The following RSRP1 variants were observed in gnomAD, a reference collection of about 807,000 sequenced individuals.
The protein encoded by RSRP1 is arginine and serine rich protein 1, also known as arginine/serine-rich protein 1.
Under a neutral mutation model 33.0 loss-of-function variants are expected in RSRP1, and 37 were observed. The ratio of observed to expected loss-of-function variants is 1.12; its 90% CI spans 0.86 to 1.48. The LOEUF is 1.48. Among genes scored for constraint, RSRP1 ranks in the 40% most tolerant of loss-of-function variants. The pLI is 0.00. For synonymous variants in RSRP1, 167 were observed against 158.7 expected, an observed-to-expected ratio of 1.05 and a Z score of -0.40; for missense variants, 402 against 385.3, an observed-to-expected ratio of 1.04 and a Z score of -0.36.
chr1:25,274,242 G>C (rs1374476531), intron 1 of RSRP1, among the ~76,000 whole-genome samples: 1 of 132,084 alleles, frequency 7.6e-6, no homozygotes, highest in East Asian at 1.9e-4. Context: ...TATGGATGTT[G>C]AGTAATTTGC....
At chr1:25,300,948 A>G in intron 1 of RSRP1, 1 of 1,378,454 alleles carries the variant, frequency 7.3e-7, no homozygotes. Flanking sequence ...TATTGCAGAC[A>G]GACTACCACA....
At chr1:25,251,891 GA>G (rs2124552233), upstream of RSRP1, among the ~76,000 whole-genome samples, 1 of 150,036 alleles carries the variant, frequency 6.7e-6, no homozygotes, top group East Asian at 1.9e-4. Context: ...CCCACATATA[GA>G]TTTTTTTTTT....
Position 25,313,044 on chromosome 1 carries a change from C to A in RSRP1, c.-67+24934G>T, listed in dbSNP as rs575292484. Among the ~76,000 whole-genome samples the A allele has an allele frequency of 8.9e-4, 108 of 121,270 alleles. 16 individuals carry two copies. The highest frequency in any genetic ancestry group is 2.8e-3 in the African/African-American group (101 of 36,092). The allele number at this position is 121,270 out of a possible 152,430, so 79.6% of individuals were successfully genotyped here. A position where few individuals can be genotyped will look rare whatever the true frequency, so the allele number is the denominator to read the frequency against. ...GATGCTGTGGTTTGAATGCATCCCT[C>A]AAATTTCATGTGTTGGAAACTTAAT... On this transcript the variant is annotated intron_variant, in intron 1 of 1. Coordinates refer to the RSRP1 transcript ENST00000561867.
At chr1:25,273,825 G>T (rs1452881032) in intron 1 of RSRP1, among the ~76,000 whole-genome samples, 2 of 130,300 alleles carry the variant, frequency 1.5e-5, no homozygotes, top group Admixed American at 1.5e-4. Flanking sequence ...TTGAGTCCTT[G>T]CTTGTTCCTA....
intron 1 of RSRP1, among the ~76,000 whole-genome samples, chr1:25,255,464 A>G (rs569491332): frequency 6.6e-6 from 1 of 152,304 alleles, no homozygotes. Flanking sequence ...GTACAATGCA[A>G]TGAAGCCATT....
rs573497704 is a variant in RSRP1 at position 25,323,851 on chromosome 1, G to A, written c.-67+14127C>T. 1.4e-3 allele frequency among the ~76,000 whole-genome samples: 167 copies of A among 122,884 alleles called. 1 individual carries two copies. Among genetic ancestry groups the A allele is most frequent in the Non-Finnish European group, 2.1e-3 (115 of 54,248 alleles). The allele number at this position is 122,884 out of a possible 152,430, so 80.6% of individuals were successfully genotyped here. A position where few individuals can be genotyped will look rare whatever the true frequency, so the allele number is the denominator to read the frequency against. Reference sequence around the variant, plus strand: ...AGCATGATTATTCTGAGAATCATCCGTGTTGTTGCGTGTAACTGACTTCAT... The same window carrying A: ...AGCATGATTATTCTGAGAATCATCCATGTTGTTGCGTGTAACTGACTTCAT... On this transcript the variant is annotated intron_variant, in intron 1 of 1. Transcript: ENST00000561867.
intron 1 of RSRP1, among the ~76,000 whole-genome samples, chr1:25,261,561 T>C (rs1013505535): frequency 3.5e-4 from 53 of 151,612 alleles, no homozygotes; most frequent in African/African-American, 1.2e-3. Context: ...CCCGCCACCC[T>C]GCCCAGCTAA....
In RSRP1 at chr1:25,302,922, T is replaced by C. The variant is rs1386263989; in HGVS notation, c.-67+35056A>G. Among the ~76,000 whole-genome samples, 37 of 130,326 alleles carry C rather than the reference T, an allele frequency of 2.8e-4. 6 individuals are homozygous for C. The highest frequency in any genetic ancestry group is 9.0e-4 in the African/African-American group (34 of 37,802). The allele number at this position is 130,326 out of a possible 152,430, so 85.5% of individuals were successfully genotyped here. On this transcript the variant is annotated intron_variant, in intron 1 of 1. Coordinates refer to the RSRP1 transcript ENST00000561867. ...ATTTTGGGAGGCTGAGGCAAGAGGA[T>C]TGGTTGAGGCCAGGAGTTCAAGACC...
At chr1:25,242,756 T>G in intron 4 of RSRP1, 51 bp from the exon 5 acceptor site, 1 of 1,259,494 alleles carries the variant, frequency 7.9e-7, no homozygotes, top group Non-Finnish European at 1.1e-6. Flanking sequence ...TGTACACTTT[T>G]TTCACAAAAA....
At position 25,260,843 on chromosome 1, in the gene RSRP1, G is replaced by A. The variant is rs1323013007; in HGVS notation, c.-66-13814C>T. On this transcript the variant is annotated intron_variant, in intron 1 of 1. Coordinates refer to the RSRP1 transcript ENST00000561867. ...GACAGAGTCTCGCTCTATCGCCCAG[G>A]CTGGAGTGCAGTGGCCCGATCGATC... 2.6e-5 allele frequency among the ~76,000 whole-genome samples: 4 copies of A among 151,504 alleles called. No individual in the cohort carries two copies. In the East Asian group the frequency reaches 7.7e-4, roughly 29 times the overall value.
chr1:25,277,964 G>A lies in RSRP1; in HGVS notation c.-66-30935C>T, dbSNP rs563672635. Among the ~76,000 whole-genome samples, 408 of 132,960 alleles carry A rather than the reference G, an allele frequency of 3.1e-3. 88 individuals are homozygous for A. Among genetic ancestry groups the A allele is most frequent in the South Asian group, 6.0e-3 (26 of 4,324 alleles). The allele number at this position is 132,960 out of a possible 152,430, so 87.2% of individuals were successfully genotyped here. ...GCTGGGATTACAGGCGTGAGCCACC[G>A]CGCCTGGCCCAAAAGCTTTAATTTC... is the stretch of plus-strand genomic sequence containing the variant. On this transcript the variant is annotated intron_variant, in intron 1 of 1. Coordinates refer to the RSRP1 transcript ENST00000561867.
At chr1:25,264,109 G>A (rs1427509728) in intron 1 of RSRP1, among the ~76,000 whole-genome samples, 1 of 151,932 alleles carries the variant, frequency 6.6e-6, no homozygotes. Flanking sequence ...TCATGGGCTG[G>A]CATTGAGTGT....
At chr1:25,261,560 C>G (rs895435434) in intron 1 of RSRP1, among the ~76,000 whole-genome samples, 2 of 151,782 alleles carry the variant, frequency 1.3e-5, no homozygotes, top group Non-Finnish European at 2.9e-5. Context: ...GCCCGCCACC[C>G]TGCCCAGCTA....
rs1571654178 is a variant in RSRP1 at position 25,297,900 on chromosome 1, A to G, written c.-67+40078T>C. Among the ~76,000 whole-genome samples, 3 of 131,746 alleles carry G rather than the reference A, an allele frequency of 2.3e-5. 1 individual carries two copies. The highest frequency in any genetic ancestry group is 7.8e-5 in the African/African-American group (3 of 38,322). The allele number at this position is 131,746 out of a possible 152,430, so 86.4% of individuals were successfully genotyped here. A position where few individuals can be genotyped will look rare whatever the true frequency, so the allele number is the denominator to read the frequency against. The stretch of plus-strand genomic sequence containing the variant: ...GAGGTGCTGCCAGACTCAGGAGGGC[A>G]CTAGAACTGGCTATGAGAAGCCACT... On this transcript the variant is annotated intron_variant, in intron 1 of 1. Transcript: ENST00000561867.
rs774139323 is a variant in RSRP1, at chr1:25,297,975, G to A, written c.-67+40003C>T. 3.3e-4 allele frequency among the ~76,000 whole-genome samples: 43 copies of A among 130,706 alleles called. 13 individuals are homozygous for A. Among genetic ancestry groups the A allele is most frequent in the Non-Finnish European group, 4.5e-4 (25 of 55,402 alleles). 85.7% of individuals were successfully genotyped at this position (130,706 alleles called of 152,430 possible). ...CCATCTTTTGGCTCTTATTCTCTCC[G>A]TACATCTAACATCTCTGTACACCAG... On this transcript the variant is annotated intron_variant, in intron 1 of 1. Transcript: ENST00000561867.
At chr1:25,244,200 C>G in intron 3 of RSRP1, 1 of 1,289,116 alleles carries the variant, frequency 7.8e-7, no homozygotes, top group Non-Finnish European at 1.0e-6. Flanking sequence ...AAGCAGGCCT[C>G]CTCTTCTGTA....
chr1:25,290,262 T>C lies in RSRP1; in HGVS notation c.-66-43233A>G, dbSNP rs1479345413. Reference sequence around the variant, plus strand: ...GAGTGCCCTCTGTTGAGCATCCGAATGATGGCAGCAGAAAAGAAGACTGGG... The same window carrying C: ...GAGTGCCCTCTGTTGAGCATCCGAACGATGGCAGCAGAAAAGAAGACTGGG... On this transcript the variant is annotated intron_variant, in intron 1 of 1. Transcript: ENST00000561867. Among the ~76,000 whole-genome samples, 2 of 125,850 alleles carry C rather than the reference T, an allele frequency of 1.6e-5. 1 individual carries two copies. The highest frequency in any genetic ancestry group is 3.7e-5 in the Non-Finnish European group (2 of 53,490). The allele number at this position is 125,850 out of a possible 152,430, so 82.6% of individuals were successfully genotyped here. A position where few individuals can be genotyped will look rare whatever the true frequency, so the allele number is the denominator to read the frequency against.
rs190604714 is a variant in RSRP1, at chr1:25,330,422, A to G, written c.-67+7556T>C. Reference sequence around the variant, plus strand: ...TTTGTTTACATAATACTTGAAAAATAAAAATGAACAAGCTAACAAACTACC... The same window carrying G: ...TTTGTTTACATAATACTTGAAAAATGAAAATGAACAAGCTAACAAACTACC... On this transcript the variant is annotated intron_variant, in intron 1 of 1. Coordinates refer to the RSRP1 transcript ENST00000561867. 57 of 133,574 alleles carry G rather than the reference A, an allele frequency of 4.3e-4. 7 individuals carry two copies. Among genetic ancestry groups the G allele is most frequent in the African/African-American group, 1.4e-3 (56 of 39,174 alleles). The allele number at this position is 133,574 out of a possible 1,614,324, so 8.3% of individuals were successfully genotyped here.
At chr1:25,336,980 T>TGCC (rs1216607061) in intron 1 of RSRP1, 1 of 152,208 alleles carries the variant, frequency 6.6e-6, no homozygotes, top group Non-Finnish European at 1.5e-5. Flanking sequence ...ACTCATATAC[T>TGCC]GCCGCCGTAC....
Sources: allele counts gnomAD v4.1 joint callset (sites outside exome capture counted in the v4.1 genomes callset), GRCh38; gene constraint gnomAD v4.1.1; transcripts MANE v1.5; gene names NCBI Gene and HGNC (gene_info 2026-07-23, HGNC 2026-07-21).